The following POMT2 variants were observed in gnomAD, a reference collection of about 807,000 sequenced individuals.
POMT2 encodes protein O-mannosyl-transferase 2.
A neutral mutation model predicts 100.0 loss-of-function variants in POMT2; 75 were observed. The ratio of observed to expected loss-of-function variants is 0.75; its 90% CI spans 0.62 to 0.91. The LOEUF is 0.91. POMT2 is among the 40% of genes least tolerant of loss of function. The pLI is 0.00. For missense variants in POMT2, 940 were observed against 955.1 expected (o/e 0.98, Z 0.21); for synonymous variants, 378 against 374.1 (o/e 1.01, Z -0.12).
chr14:77,314,901 T>C (rs933996087), intron 1 of POMT2, among the ~76,000 whole-genome samples: 2 of 152,192 alleles, frequency 1.3e-5, no homozygotes, highest in Non-Finnish European at 2.9e-5. Flanking sequence ...AATATAAATA[T>C]GACTTGCTTT....
intron 9 of POMT2, among the ~76,000 whole-genome samples, chr14:77,295,653 A>G (rs1056234108): frequency 5.4e-5 from 8 of 148,936 alleles, no homozygotes; most frequent in Non-Finnish European, 1.2e-4. Flanking sequence ...AAAAAAAAAG[A>G]AGAGGATACT....
intron 18 of POMT2, chr14:77,279,449 G>C (rs1050045040): frequency 2.2e-6 from 1 of 455,974 alleles, no homozygotes; most frequent in Non-Finnish European, 4.3e-6. Flanking sequence ...TGGCAGAAAA[G>C]ATGGGCAGCT....
chr14:77,279,811 A>G lies in POMT2; in HGVS notation c.1891+12T>C, dbSNP rs1178482518. 2 of 1,610,892 alleles carry G rather than the reference A, an allele frequency of 1.2e-6. No individual in the cohort carries two copies. Among genetic ancestry groups the G allele is most frequent in the African/African-American group, 2.7e-5 (2 of 74,848 alleles). On this transcript the variant is annotated intron_variant, in intron 18 of 20. Coordinates refer to ENST00000261534, the MANE Select transcript of POMT2 (RefSeq NM_013382.7). The stretch of plus-strand genomic sequence containing the variant: ...CGCCAGGTCAGGGGAGGGAGAGCCC[A>G]GAGGACCTGACCTGCAACCTCCGCT...
chr14:77,317,120 T>C (rs1456462351), intron 1 of POMT2, among the ~76,000 whole-genome samples: 1 of 152,058 alleles, frequency 6.6e-6, no homozygotes, highest in South Asian at 2.1e-4. Context: ...GGACTACATG[T>C]TTCTGAGGCA....
chr14:77,290,207 A>G (rs1890585369), intron 10 of POMT2, among the ~76,000 whole-genome samples: 1 of 152,232 alleles, frequency 6.6e-6, no homozygotes, highest in Non-Finnish European at 1.5e-5. Context: ...TCACAATGGA[A>G]TAACAGACTA....
intron 2 of POMT2, chr14:77,306,715 A>G (rs1044238122): frequency 1.0e-5 from 4 of 384,854 alleles, no homozygotes; most frequent in Non-Finnish European, 1.5e-5. Flanking sequence ...AAAGAGCCCC[A>G]CAATTTGAAG....
At chr14:77,312,203 T>C (rs1891461239) in intron 1 of POMT2, 170 bp from the exon 2 acceptor site, 2 of 1,158,396 alleles carry the variant, frequency 1.7e-6, no homozygotes, top group Non-Finnish European at 2.3e-6. Context: ...AAGAAAGACA[T>C]CAAGCTGGCC....
intron 2 of POMT2, among the ~76,000 whole-genome samples, chr14:77,310,183 G>A (rs943416290): frequency 7.2e-5 from 11 of 152,358 alleles, no homozygotes; most frequent in South Asian, 2.1e-4. Flanking sequence ...TTCTATGGTA[G>A]TAACAGATGT....
At chr14:77,309,176 T>C (rs909632212) in intron 2 of POMT2, among the ~76,000 whole-genome samples, 3 of 152,236 alleles carry the variant, frequency 2.0e-5, no homozygotes, top group African/African-American at 7.2e-5. Flanking sequence ...CTTGTATTTG[T>C]ATAAAAGAAT....
In POMT2 at chr14:77,278,577, G is replaced by C. The variant is rs371670012; in HGVS notation, c.2033-69C>G. 64 of 1,447,806 alleles carry C rather than the reference G, an allele frequency of 4.4e-5. No homozygotes were observed. In the East Asian group the frequency reaches 4.9e-4, roughly 11 times the overall value. The allele number at this position is 1,447,806 out of a possible 1,614,324, so 89.7% of individuals were successfully genotyped here. ...GACTTCTGGGCTACAGAAGAAGGAG[G>C]CACTCCAAGTCAAGGAGCAGAGAGT... On this transcript the variant is annotated intron_variant, in intron 19 of 20. Coordinates refer to ENST00000261534, the MANE Select transcript of POMT2 (RefSeq NM_013382.7).
chr14:77,317,216 G>C (rs967859542), intron 1 of POMT2, among the ~76,000 whole-genome samples: 25 of 152,190 alleles, frequency 1.6e-4, no homozygotes, highest in African/African-American at 5.3e-4. Context: ...ATTGCAAGGG[G>C]CACTGACCAC....
At chr14:77,293,344 TATC>T (rs1265485931) in intron 9 of POMT2, among the ~76,000 whole-genome samples, 1 of 152,192 alleles carries the variant, frequency 6.6e-6, no homozygotes, top group Non-Finnish European at 1.5e-5. Flanking sequence ...ATTATTTATT[TATC>T]ATGAGTACAG....
intron 15 of POMT2, among the ~76,000 whole-genome samples, chr14:77,283,021 A>G (rs978848122): frequency 3.9e-5 from 6 of 152,234 alleles, no homozygotes; most frequent in African/African-American, 1.4e-4. Flanking sequence ...AGTGAGTAGA[A>G]TTTTCTCAAT....
Position 77,284,980 on chromosome 14 carries a change from A to T in POMT2, c.1546T>A (p.Trp516Arg), listed in dbSNP as rs753751792. 1 of 1,613,208 alleles carries T rather than the reference A, an allele frequency of 6.2e-7. No individual in the cohort carries two copies. Among genetic ancestry groups the T allele is most frequent in the Non-Finnish European group, 8.5e-7 (1 of 1,179,120 alleles). The change falls in exon 14 of 21, where the codon TGG becomes AGG. Residue 516 changes from tryptophan to arginine, a missense_variant. Transcript: ENST00000261534. ...GGATTGATATGGTCCTCCACATTCC[A>T]GATGGAGTTGAGGGTTTCTTTCAGG... The part of the protein sequence containing the change: ...PYLKETLNSI[W>R]NVEDHINPKL...
At chr14:77,291,061 T>C (rs1890622117) in intron 10 of POMT2, among the ~76,000 whole-genome samples, 1 of 152,128 alleles carries the variant, frequency 6.6e-6, no homozygotes, top group South Asian at 2.1e-4. Flanking sequence ...CCGCTATCTG[T>C]CTTCAAAATG....
rs772876016 is a variant in POMT2 at position 77,278,447 on chromosome 14, C to T, written c.2094G>A (p.Ala698=). The change falls in exon 20 of 21, where the codon GCG becomes GCA. Residue 698 remains alanine, a synonymous_variant. Transcript: ENST00000261534. The part of the protein sequence containing the change: ...CAWGLASWPL[A]RGIHVAGILS... Reference sequence around the variant, plus strand: ...GGATTCCCGCCACATGTATGCCCCTCGCCAGGGGCCATGAGGCCAAGCCCC... The same window carrying T: ...GGATTCCCGCCACATGTATGCCCCTTGCCAGGGGCCATGAGGCCAAGCCCC... 1.5e-5 allele frequency: 22 copies of T among 1,504,362 alleles called. No homozygotes were observed. Among genetic ancestry groups the T allele is most frequent in the Middle Eastern group, 1.7e-4 (1 of 5,908 alleles). The allele number at this position is 1,504,362 out of a possible 1,614,324, so 93.2% of individuals were successfully genotyped here.
At chr14:77,300,387 C>G (rs1483043041) in intron 6 of POMT2, 2 of 154,910 alleles carry the variant, frequency 1.3e-5, no homozygotes, top group Non-Finnish European at 1.4e-5. Context: ...CCTCATAGGA[C>G]TATTATGAGG....
At chr14:77,283,773 A>G (rs761288836) in intron 15 of POMT2, 24 bp downstream of exon 15, 6 of 1,572,276 alleles carry the variant, frequency 3.8e-6, no homozygotes, top group Non-Finnish European at 5.3e-6. Flanking sequence ...TAGAGACGCC[A>G]TGAAATGAGA....
At position 77,278,396 on chromosome 14, in the gene POMT2, G is replaced by A. The variant is rs1338507135; in HGVS notation, c.2145C>T (p.Tyr715=). 2.7e-6 allele frequency: 4 copies of A among 1,463,480 alleles called. No individual in the cohort carries two copies. The highest frequency in any genetic ancestry group is 2.8e-5 in the African/African-American group (2 of 70,976). 90.7% of individuals were successfully genotyped at this position (1,463,480 alleles called of 1,614,324 possible). ...ATGTGAGGTGCAGAGATGCTCACCT[G>A]TAGGCAGTTCCCAGGAGCAGGCTCA... The part of the protein sequence containing the change: ...GILSLLLGTA[Y]SFYLFHPLAY... The change falls in exon 20 of 21, where the codon TAC becomes TAT. Residue 715 remains tyrosine, a splice_region_variant and synonymous_variant. Coordinates refer to ENST00000261534, the MANE Select transcript of POMT2 (RefSeq NM_013382.7).
Sources: gnomAD v4.1 joint callset for allele counts (sites outside exome capture counted in the v4.1 genomes callset) on GRCh38, gnomAD v4.1.1 for gene constraint, MANE v1.5 for transcripts, NCBI Gene and HGNC (gene_info 2026-07-23, HGNC 2026-07-21) for gene names.